MYO7B: variants seen among roughly 807,000 people sequenced by gnomAD.
MYO7B encodes the protein myosin VIIB.
Under a neutral mutation model 259.7 loss-of-function variants are expected in MYO7B, and 212 were observed. The observed-to-expected ratio is 0.82, with a 90% CI of 0.73 to 0.91. The LOEUF is 0.91. Ranked by LOEUF, MYO7B falls within the 40% of genes least tolerant of loss-of-function variation. The pLI, the probability that MYO7B is intolerant of heterozygous loss-of-function variation, is 0.00. For missense variants in MYO7B, 2,732 were observed against 2,813.5 expected (o/e 0.97, Z 0.66); for synonymous variants, 1,197 against 1,166.4 (o/e 1.03, Z -0.54).
chr2:127,561,986 G>A (rs1323548404), intron 2 of MYO7B, among the ~76,000 whole-genome samples: 1 of 151,912 alleles, frequency 6.6e-6, no homozygotes, highest in Non-Finnish European at 1.5e-5. Context: ...GTGCTTGGGG[G>A]TGAGGAGAGG....
At chr2:127,637,102 G>A (rs1318477514) in intron 47 of MYO7B, 189 bp downstream of exon 47, 24 of 1,108,534 alleles carry the variant, frequency 2.2e-5, no homozygotes, top group Admixed American at 7.9e-5. Flanking sequence ...AAGGCCAGGC[G>A]GGACCCCCTG....
intron 1 of MYO7B, among the ~76,000 whole-genome samples, chr2:127,550,558 CAAA>C (rs11354503): frequency 8.5e-5 from 12 of 141,530 alleles, no homozygotes; most frequent in Admixed American, 1.4e-4. Flanking sequence ...ACTCTGTCTC[CAAA>C]AAAAAAAAAA....
intron 31 of MYO7B, 167 bp from the exon 32 acceptor site, chr2:127,626,808 C>T: frequency 1.6e-6 from 1 of 628,420 alleles, no homozygotes; most frequent in South Asian, 2.0e-5. Context: ...TAGGGCTGCA[C>T]CAGTCCCTGG....
In MYO7B at chr2:127,631,619, C is replaced by A; in HGVS notation, c.5115C>A (p.Gly1705=). 1 of 1,613,100 alleles carries A rather than the reference C, an allele frequency of 6.2e-7. No homozygotes were observed. Among genetic ancestry groups the A allele is most frequent in the Non-Finnish European group, 8.5e-7 (1 of 1,179,804 alleles). ...CCACACCCATCCTCCGGTACATGGG[C>A]GACTACCCTTCTCGGCAGGCCTGGC... ...QIFVAILRYM[G]DYPSRQAWPT... is the part of the protein sequence containing the mutation. Residue 1705 remains glycine, a synonymous_variant, in exon 38 of 48, where the codon GGC becomes GGA. Transcript: ENST00000409816.
At chr2:127,587,431 C>A (rs554086703) in intron 14 of MYO7B, among the ~76,000 whole-genome samples, 3 of 152,296 alleles carry the variant, frequency 2.0e-5, no homozygotes, top group African/African-American at 7.2e-5. Flanking sequence ...AGTCCAAGAT[C>A]AAGGTGCTGG....
rs1678002088 is a variant in MYO7B at position 127,559,963 on chromosome 2, C to A, written c.18+223C>A. Among the ~76,000 whole-genome samples, 1 of 152,016 alleles carries A rather than the reference C, an allele frequency of 6.6e-6. No individual in the cohort carries two copies. Among genetic ancestry groups the A allele is most frequent in the African/African-American group, 2.4e-5 (1 of 41,378 alleles). ...TATAGTTATGTATAGTTATCCCTCACTTTCATGTAGGGCTTAACATGTCCC... is the reference window on the plus strand; with the variant it reads ...TATAGTTATGTATAGTTATCCCTCAATTTCATGTAGGGCTTAACATGTCCC... On this transcript the variant is annotated intron_variant, in intron 2 of 47. Transcript: ENST00000409816. This position sits in a 1 kb window ranked among gnomAD's most constrained non-coding sequence, Gnocchi z 4.1.
Position 127,627,156 on chromosome 2 carries a change from C to CCTTCACACTGCCGT in MYO7B, c.4334-25_4334-12dup, listed in dbSNP as rs770391130. 105 of 1,604,122 alleles carry CCTTCACACTGCCGT rather than the reference C, an allele frequency of 6.5e-5. 1 individual carries two copies. The highest frequency in any genetic ancestry group is 8.6e-5 in the Non-Finnish European group (101 of 1,175,668). ...CTGGGCACCCAGGGGTCCCATGCAG[C>CCTTCACACTGCCGT]CTTCACACTGCCGTCTCTCCTGGCC... On this transcript the variant is annotated intron_variant, in intron 32 of 47. Coordinates refer to ENST00000409816, the MANE Select transcript of MYO7B (RefSeq NM_001393586.1). This position sits in a 1 kb window ranked among gnomAD's most constrained non-coding sequence, Gnocchi z 5.6.
chr2:127,571,442 G>GTTTTTTTTTTGTTTTTTTTTTTTT lies in MYO7B; in HGVS notation c.592+1542_592+1543insGTTTTTTTTTTTTTTTTTTTTTTT, dbSNP rs1553448471. 1.1e-3 allele frequency among the ~76,000 whole-genome samples: 45 copies of GTTTTTTTTTTGTTTTTTTTTTTTT among 41,944 alleles called. 1 individual carries two copies. The highest frequency in any genetic ancestry group is 2.5e-3 in the South Asian group (3 of 1,204). The allele number at this position is 41,944 out of a possible 152,430, so 27.5% of individuals were successfully genotyped here. ...AATTGGTCTATTTCCTTACCAGTGAGTTTTTTTTTTTTTTTTTGCTTGTTT... is the reference window on the plus strand; with the variant it reads ...AATTGGTCTATTTCCTTACCAGTGAGTTTTTTTTTTGTTTTTTTTTTTTTTTTTTTTTTTTTTTTTTGCTTGTTT... On this transcript the variant is annotated intron_variant, in intron 6 of 47. Coordinates refer to ENST00000409816, the MANE Select transcript of MYO7B (RefSeq NM_001393586.1).
chr2:127,619,576 C>T (rs960099034), intron 26 of MYO7B, among the ~76,000 whole-genome samples: 16 of 152,052 alleles, frequency 1.1e-4, no homozygotes, highest in South Asian at 1.0e-3. Context: ...CATCTCTGTT[C>T]GGTGATGTCG....
chr2:127,629,179 T>C (rs766565522), intron 34 of MYO7B, among the ~76,000 whole-genome samples: 20 of 152,182 alleles, frequency 1.3e-4, no homozygotes, highest in Non-Finnish European at 2.5e-4. Flanking sequence ...GTGGGGTCTT[T>C]GGGCAGTGAG....
intron 26 of MYO7B, among the ~76,000 whole-genome samples, chr2:127,617,811 G>A (rs1431869545): frequency 1.3e-5 from 2 of 151,226 alleles, no homozygotes; most frequent in African/African-American, 4.9e-5. Context: ...CTTGTAACGG[G>A]GTTTCTTATT....
chr2:127,560,170 G>C (rs1483545970), intron 2 of MYO7B, among the ~76,000 whole-genome samples: 1 of 151,956 alleles, frequency 6.6e-6, no homozygotes, highest in Non-Finnish European at 1.5e-5. Context: ...GGGACCACAG[G>C]TGCATGCCAC....
At chr2:127,562,939 T>C (rs905792605) in intron 2 of MYO7B, among the ~76,000 whole-genome samples, 9 of 152,248 alleles carry the variant, frequency 5.9e-5, no homozygotes, top group Non-Finnish European at 1.3e-4. Flanking sequence ...AAATTCTATA[T>C]CATTTTGCTC....
Position 127,577,682 on chromosome 2 carries a change from G to T in MYO7B, c.850-451G>T, listed in dbSNP as rs369259561. Reference sequence around the variant, plus strand: ...TCCAAGAAGCCTTTCTCCACCTCTCGATAGGGCTGGCCCCGGCCCCTGTGG... The same window carrying T: ...TCCAAGAAGCCTTTCTCCACCTCTCTATAGGGCTGGCCCCGGCCCCTGTGG... On this transcript the variant is annotated intron_variant, in intron 8 of 47. Transcript: ENST00000409816. The surrounding 1 kb of genome is among the most constrained non-coding windows in gnomAD (Gnocchi z 5.2). Among the ~76,000 whole-genome samples the T allele has an allele frequency of 2.0e-5, 3 of 152,132 alleles. No homozygotes were observed. Among genetic ancestry groups the T allele is most frequent in the Non-Finnish European group, 4.4e-5 (3 of 68,018 alleles).
At chr2:127,610,053 A>G (rs772352316) in intron 24 of MYO7B, 37 bp downstream of exon 24, 7 of 1,597,204 alleles carry the variant, frequency 4.4e-6, no homozygotes, top group Non-Finnish European at 6.0e-6. Context: ...GGAGGGCGAC[A>G]CCTACCAGGT....
chr2:127,634,860 G>A, intron 42 of MYO7B, 177 bp downstream of exon 42: 2 of 675,312 alleles, frequency 3.0e-6, no homozygotes, highest in Non-Finnish European at 5.1e-6. Flanking sequence ...GCAGAAACAG[G>A]TGGCTGCACC....
chr2:127,589,941 T>A lies in MYO7B; in HGVS notation c.1855-151T>A, dbSNP rs992881789. On this transcript the variant is annotated intron_variant, in intron 15 of 47. Transcript: ENST00000409816. ...GTGGATGGGTGAGTGGGTGGATGGATACATGGATGGGTGGGTGGGTGGATT... is the reference window on the plus strand; with the variant it reads ...GTGGATGGGTGAGTGGGTGGATGGAAACATGGATGGGTGGGTGGGTGGATT... 6.1e-6 allele frequency: 5 copies of A among 820,988 alleles called. No homozygotes were observed. The African/African-American group carries it at 8.9e-5, about 15-fold the overall frequency. 50.9% of individuals were successfully genotyped at this position (820,988 alleles called of 1,614,324 possible).
At chr2:127,543,776 G>T (rs961539425) in intron 1 of MYO7B, among the ~76,000 whole-genome samples, 1 of 148,428 alleles carries the variant, frequency 6.7e-6, no homozygotes, top group African/African-American at 2.5e-5. Flanking sequence ...ACCGAGTCTC[G>T]CTGTGTCACC....
rs1018794241 is a variant in MYO7B, at chr2:127,611,192, A to G, written c.3193-1058A>G. On this transcript the variant is annotated intron_variant, in intron 24 of 47. Coordinates refer to ENST00000409816, the MANE Select transcript of MYO7B (RefSeq NM_001393586.1). The surrounding 1 kb of genome is among the most constrained non-coding windows in gnomAD (Gnocchi z 5.4). ...TCCACAAAGCTGCCTGGGCATCCTC[A>G]CAACATGGCTTCCCTCAACATGAGT... Among the ~76,000 whole-genome samples, 1 of 152,222 alleles carries G rather than the reference A, an allele frequency of 6.6e-6. No homozygotes were observed. The highest frequency in any genetic ancestry group is 2.4e-5 in the African/African-American group (1 of 41,454).
Sources: gnomAD v4.1 joint callset for allele counts (sites outside exome capture counted in the v4.1 genomes callset) on GRCh38, gnomAD v4.1.1 for gene constraint, Gnocchi (gnomAD v3.1) non-coding constraint, MANE v1.5 for transcripts, NCBI Gene and HGNC (gene_info 2026-07-23, HGNC 2026-07-21) for gene names.